Variants in TMEM117 observed in about 807,000 individuals in gnomAD.
TMEM117 encodes transmembrane protein 117.
A neutral mutation model predicts 52.4 loss-of-function variants in TMEM117; 27 were observed. The observed-to-expected ratio is 0.51, with a 90% CI of 0.38 to 0.71. The LOEUF (loss-of-function observed/expected upper bound fraction) is 0.71. Among genes scored for constraint, TMEM117 ranks in the 30% least tolerant of loss-of-function variants. TMEM117 has a pLI of 0.00. For synonymous variants in TMEM117, 215 were observed against 206.3 expected, an observed-to-expected ratio of 1.04 and a Z score of -0.36; for missense variants, 556 against 630.5, an observed-to-expected ratio of 0.88 and a Z score of 1.26.
intron 2 of TMEM117, among the ~76,000 whole-genome samples, chr12:43,845,623 A>AT (rs1943193511): frequency 6.6e-6 from 1 of 151,954 alleles, no homozygotes; most frequent in Non-Finnish European, 1.5e-5. Context: ...TACATGTGCC[A>AT]TGTTGGTTTG....
chr12:43,869,365 G>A (rs992888194), intron 2 of TMEM117, among the ~76,000 whole-genome samples: 2 of 152,138 alleles, frequency 1.3e-5, no homozygotes, highest in African/African-American at 4.8e-5. Flanking sequence ...GCCAGCTACT[G>A]TTCTGAGCAC....
At chr12:43,804,997 AAAC>A in the TMEM117 span, among the ~76,000 whole-genome samples, 1 of 152,260 alleles carries the variant, frequency 6.6e-6, no homozygotes, top group Non-Finnish European at 1.5e-5. Context: ...TTCCCGTTAA[AAAC>A]AACAGTATAT....
intron 3 of TMEM117, among the ~76,000 whole-genome samples, chr12:44,094,910 T>A (rs1947732155): frequency 6.6e-6 from 1 of 152,180 alleles, no homozygotes; most frequent in Non-Finnish European, 1.5e-5. Context: ...CTAGTAAATA[T>A]TATTTGTCTG....
chr12:44,042,651 C>G (rs768940227), intron 3 of TMEM117, among the ~76,000 whole-genome samples: 4 of 152,094 alleles, frequency 2.6e-5, no homozygotes, highest in Non-Finnish European at 5.9e-5. Context: ...CCTCCAACAT[C>G]AGACTCCAGG....
intron 3 of TMEM117, among the ~76,000 whole-genome samples, chr12:44,115,623 A>G (rs1948127928): frequency 6.6e-6 from 1 of 151,910 alleles, no homozygotes; most frequent in South Asian, 2.1e-4. Context: ...TTCCCACCGT[A>G]GTTTTATTCT....
intron 3 of TMEM117, among the ~76,000 whole-genome samples, chr12:44,027,129 TTTATATTTTA>T (rs1946548425): frequency 3.7e-5 from 5 of 135,962 alleles, no homozygotes; most frequent in African/African-American, 1.4e-4. Flanking sequence ...ATTATTTTAT[TTTATATTTTA>T]TTTTATTTTA....
At chr12:44,143,851 C>T (rs1440165848) in intron 4 of TMEM117, among the ~76,000 whole-genome samples, 4 of 152,230 alleles carry the variant, frequency 2.6e-5, no homozygotes, top group East Asian at 3.9e-4. Flanking sequence ...CAGAATCTGT[C>T]GATCGATCTA....
At chr12:43,861,252 G>C (rs1943484253) in intron 2 of TMEM117, among the ~76,000 whole-genome samples, 1 of 152,122 alleles carries the variant, frequency 6.6e-6, no homozygotes, top group Non-Finnish European at 1.5e-5. Flanking sequence ...CCCCCATAGA[G>C]TAAGAAAAGC....
chr12:44,098,821 A>G (rs559011802), intron 3 of TMEM117, among the ~76,000 whole-genome samples: 2 of 152,264 alleles, frequency 1.3e-5, no homozygotes, highest in South Asian at 4.1e-4. Context: ...TATTGAACAT[A>G]TATCTGAGAG....
intron 3 of TMEM117, among the ~76,000 whole-genome samples, chr12:44,046,727 A>C (rs528498194): frequency 6.6e-6 from 1 of 152,172 alleles, no homozygotes; most frequent in Non-Finnish European, 1.5e-5. Context: ...TTTTTTGTTA[A>C]AAACGTGTTT....
intron 3 of TMEM117, among the ~76,000 whole-genome samples, chr12:44,047,099 A>G (rs909566958): frequency 6.6e-6 from 1 of 152,080 alleles, no homozygotes; most frequent in East Asian, 1.9e-4. Flanking sequence ...TTGCCGAAAT[A>G]GATTAATATT....
intron 3 of TMEM117, among the ~76,000 whole-genome samples, chr12:44,130,225 A>T (rs1948391973): frequency 6.6e-6 from 1 of 152,218 alleles, no homozygotes; most frequent in Admixed American, 6.5e-5. Flanking sequence ...ACACAGGTAT[A>T]TCTTAATTAT....
At chr12:43,899,982 G>A (rs1944277569) in intron 2 of TMEM117, among the ~76,000 whole-genome samples, 1 of 152,176 alleles carries the variant, frequency 6.6e-6, no homozygotes, top group Non-Finnish European at 1.5e-5. Flanking sequence ...TTCAGTGAGT[G>A]TTCACACCAT....
At chr12:43,853,517 A>G (rs1337587054) in intron 2 of TMEM117, among the ~76,000 whole-genome samples, 2 of 152,142 alleles carry the variant, frequency 1.3e-5, no homozygotes, top group Non-Finnish European at 2.9e-5. Context: ...CTTGTGATCC[A>G]CCTTGCCTCG....
At chr12:44,194,987 A>G (rs1115423) in intron 4 of TMEM117, among the ~76,000 whole-genome samples, 18,763 of 152,196 alleles carry the variant, frequency 0.12, 1,407 homozygotes, top group African/African-American at 0.2. Context: ...AAACATTTCC[A>G]TCTATATGCT....
intron 2 of TMEM117, among the ~76,000 whole-genome samples, chr12:43,871,347 G>A (rs914399917): frequency 6.6e-6 from 1 of 152,096 alleles, no homozygotes; most frequent in South Asian, 2.1e-4. Context: ...CAGGTGATCC[G>A]CCTGCCTCTG....
At chr12:44,219,592 T>G (rs1468554721) in intron 5 of TMEM117, among the ~76,000 whole-genome samples, 1 of 152,136 alleles carries the variant, frequency 6.6e-6, no homozygotes, top group Non-Finnish European at 1.5e-5. Context: ...TTTGTTTATC[T>G]TCAGGGTTTT....
intron 5 of TMEM117, among the ~76,000 whole-genome samples, chr12:44,266,148 A>C (rs1950374899): frequency 6.6e-6 from 1 of 152,170 alleles, no homozygotes; most frequent in Admixed American, 6.5e-5. Context: ...TAAACCTATA[A>C]CATTTTGAAA....
intron 3 of TMEM117, among the ~76,000 whole-genome samples, chr12:43,958,008 C>T (rs944501874): frequency 2.0e-5 from 3 of 152,122 alleles, no homozygotes; most frequent in Non-Finnish European, 4.4e-5. Context: ...GTATCTTCCC[C>T]CTTCTGAATT....
Sources: allele counts gnomAD v4.1 joint callset (sites outside exome capture counted in the v4.1 genomes callset), GRCh38; gene constraint gnomAD v4.1.1; transcripts MANE v1.5; gene names NCBI Gene and HGNC (gene_info 2026-07-23, HGNC 2026-07-21).